NEMF: variants seen among roughly 807,000 people sequenced by gnomAD.
NEMF encodes the protein ribosome quality control complex subunit NEMF.
A neutral mutation model predicts 162.2 loss-of-function variants in NEMF; 89 were observed. That is an observed-to-expected ratio of 0.55 (90% CI 0.46 to 0.65). The LOEUF (loss-of-function observed/expected upper bound fraction) is 0.65, where lower values mean the gene tolerates loss of function less well. NEMF is among the 30% of genes least tolerant of loss of function. The probability of loss-of-function intolerance (pLI) is 0.00; values close to 1 mark genes in which losing one functional copy is unlikely to be tolerated. For synonymous variants in NEMF, 421 were observed against 404.5 expected (o/e 1.04, Z -0.49); for missense variants, 1,133 against 1,261.9 (o/e 0.90, Z 1.55).
In NEMF at chr14:49,784,354, G is replaced by T; in HGVS notation, c.*282C>A. 1 of 270,964 alleles carries T rather than the reference G, an allele frequency of 3.7e-6. No homozygotes were observed. The allele number at this position is 270,964 out of a possible 1,614,324, so 16.8% of individuals were successfully genotyped here. A position where few individuals can be genotyped will look rare whatever the true frequency, so the allele number is the denominator to read the frequency against. ...TCTTTACATCATGAAATGAATACTT[G>T]GTATTAACCTCCCAAATTTCAAGAA... On this transcript the variant is annotated 3_prime_UTR_variant, in exon 33 of 33. Coordinates refer to ENST00000298310, the MANE Select transcript of NEMF (RefSeq NM_004713.6).
intron 16 of NEMF, among the ~76,000 whole-genome samples, chr14:49,822,576 T>C (rs1366788718): frequency 1.4e-5 from 2 of 147,106 alleles, no homozygotes; most frequent in African/African-American, 5.1e-5. Context: ...TTATCTGTAA[T>C]CCCAGCACTT....
chr14:49,801,955 T>C (rs1474562684), intron 22 of NEMF, among the ~76,000 whole-genome samples: 1 of 79,350 alleles, frequency 1.3e-5, no homozygotes, highest in Non-Finnish European at 3.7e-5. Context: ...AATTAAATAC[T>C]TTTTTTTTTT....
chr14:49,828,368 T>G lies in NEMF; in HGVS notation c.1425-14A>C, dbSNP rs374361406. ...TGATCATAATACCTAGAAAAACATA[T>G]TTCTCTTAAATTTTAAGTATAATAT... is the stretch of plus-strand genomic sequence containing the variant. On this transcript the variant is annotated splice_polypyrimidine_tract_variant and intron_variant, in intron 14 of 32. Coordinates refer to ENST00000298310, the MANE Select transcript of NEMF (RefSeq NM_004713.6). 6.7e-7 allele frequency: 1 copy of G among 1,499,420 alleles called. No homozygotes were observed. Among genetic ancestry groups the G allele is most frequent in the Non-Finnish European group, 9.2e-7 (1 of 1,092,492 alleles). 92.9% of individuals were successfully genotyped at this position (1,499,420 alleles called of 1,614,324 possible). A position where few individuals can be genotyped will look rare whatever the true frequency, so the allele number is the denominator to read the frequency against.
At chr14:49,846,341 C>A in intron 3 of NEMF, 76 bp from the exon 4 acceptor site, 3 of 1,354,364 alleles carry the variant, frequency 2.2e-6, no homozygotes, top group Non-Finnish European at 3.1e-6. Flanking sequence ...TATAAATAAG[C>A]TTCTTTTCAT....
chr14:49,820,110 C>A (rs1891928686), intron 16 of NEMF: 1 of 232,824 alleles, frequency 4.3e-6, no homozygotes, highest in Non-Finnish European at 8.6e-6. Flanking sequence ...AGCCACCACA[C>A]CTGGCTAATT....
Position 49,784,953 on chromosome 14 carries a change from C to T in NEMF, c.3125G>A (p.Arg1042Lys). 6.2e-7 allele frequency: 1 copy of T among 1,613,874 alleles called. No individual in the cohort carries two copies. The highest frequency in any genetic ancestry group is 8.5e-7 in the Non-Finnish European group (1 of 1,179,906). ...TACGCTGCGGAATAAGTCTTTTTCT[C>T]TTGCTGTTGCTTCTTTGGAATGCAT... ...SFMHSKEATA[R>K]EKDLFRSVKD... Residue 1042 changes from arginine to lysine, a missense_variant, in exon 32 of 33, where the codon AGA becomes AAA. Coordinates refer to ENST00000298310, the MANE Select transcript of NEMF (RefSeq NM_004713.6).
intron 25 of NEMF, 76 bp from the exon 26 acceptor site, chr14:49,796,020 A>T (rs1890677701): frequency 9.3e-7 from 1 of 1,080,700 alleles, no homozygotes; most frequent in Non-Finnish European, 1.4e-6. Flanking sequence ...TTCCATGGGG[A>T]AGGCACATAT....
At chr14:49,785,955 T>C (rs1054226382) in intron 29 of NEMF, 2 of 151,998 alleles carry the variant, frequency 1.3e-5, no homozygotes, top group African/African-American at 4.8e-5. Flanking sequence ...TGCTGTGGAT[T>C]AAAATGATGC....
chr14:49,817,079 G>A (rs1449415547), intron 16 of NEMF, among the ~76,000 whole-genome samples: 1 of 152,124 alleles, frequency 6.6e-6, no homozygotes, highest in Non-Finnish European at 1.5e-5. Context: ...CTGTCAGACT[G>A]GAAAACAATG....
rs746208416 is a variant in NEMF at position 49,829,418 on chromosome 14, T to C, written c.954A>G (p.Gln318=). The C allele has an allele frequency of 2.5e-6, 4 of 1,613,358 alleles. No individual in the cohort carries two copies. Among genetic ancestry groups the C allele is most frequent in the East Asian group, 2.2e-5 (1 of 44,884 alleles). ...GAACATTATCTAATTTCTTCAATGC[T>C]TGCTTTTCCTTTTATTGGCAAAACA... The part of the protein sequence containing the change: ...IDLKALQQEK[Q]ALKKLDNVRK... The change falls in exon 12 of 33, where the codon CAA becomes CAG. Residue 318 remains glutamine (Q), a synonymous_variant. Coordinates refer to ENST00000298310, the MANE Select transcript of NEMF (RefSeq NM_004713.6).
In NEMF at chr14:49,782,571, A is replaced by G; in HGVS notation, c.*2065T>C. 2 of 1,606,652 alleles carry G rather than the reference A, an allele frequency of 1.2e-6. No individual in the cohort carries two copies. The highest frequency in any genetic ancestry group is 1.7e-6 in the Non-Finnish European group (2 of 1,175,354). Reference sequence around the variant, plus strand: ...ACAGTAATGAAATACTAATATTTTCAGTTCAACCAAAATCTCTTGTACGGT... The same window carrying G: ...ACAGTAATGAAATACTAATATTTTCGGTTCAACCAAAATCTCTTGTACGGT... On this transcript the variant is annotated 3_prime_UTR_variant, in exon 33 of 33. Transcript: ENST00000298310.
chr14:49,782,121 C>A lies in NEMF; in HGVS notation c.*2515G>T. The A allele has an allele frequency of 2.2e-6, 1 of 447,492 alleles. No individual in the cohort carries two copies. Among genetic ancestry groups the A allele is most frequent in the East Asian group, 3.5e-5 (1 of 28,244 alleles). 27.7% of individuals were successfully genotyped at this position (447,492 alleles called of 1,614,324 possible). ...TTATTGCTAACAAAGACCTAGAGAA[C>A]AGATCGTTCAGTTCAAACTCCTCAT... On this transcript the variant is annotated 3_prime_UTR_variant, in exon 33 of 33. Coordinates refer to ENST00000298310, the MANE Select transcript of NEMF (RefSeq NM_004713.6).
At chr14:49,852,305 C>T (rs1047504090) in intron 1 of NEMF, among the ~76,000 whole-genome samples, 1 of 152,264 alleles carries the variant, frequency 6.6e-6, no homozygotes, top group Non-Finnish European at 1.5e-5. Flanking sequence ...CTCTCTCTCT[C>T]TCTGGGGTGA....
intron 29 of NEMF, chr14:49,786,098 T>C (rs1225030609): frequency 1.3e-5 from 2 of 152,754 alleles, no homozygotes; most frequent in African/African-American, 4.8e-5. Flanking sequence ...ATAGTTTTCG[T>C]TGACACGATG....
intron 26 of NEMF, 101 bp downstream of exon 26, chr14:49,795,689 AT>A: frequency 9.4e-7 from 1 of 1,066,364 alleles, no homozygotes; most frequent in African/African-American, 1.6e-5. Flanking sequence ...ATCACACAGG[AT>A]TATTTTTTGG....
At chr14:49,847,967 G>A (rs1304913820) in intron 3 of NEMF, among the ~76,000 whole-genome samples, 1 of 151,348 alleles carries the variant, frequency 6.6e-6, no homozygotes, top group Non-Finnish European at 1.5e-5. Context: ...AAGAGGCGGA[G>A]GTTACAGTGA....
At chr14:49,852,603 G>C in intron 1 of NEMF, 92 bp downstream of exon 1, 1 of 1,384,132 alleles carries the variant, frequency 7.2e-7, no homozygotes. Context: ...AGGAAATAAG[G>C]AAACATATCA....
chr14:49,787,696 A>G (rs1306653084), intron 28 of NEMF, among the ~76,000 whole-genome samples: 1 of 152,238 alleles, frequency 6.6e-6, no homozygotes, highest in African/African-American at 2.4e-5. Flanking sequence ...TTTAGACCAT[A>G]GCACCTACTC....
At position 49,814,877 on chromosome 14, in the gene NEMF, A is replaced by C; in HGVS notation, c.1578-20T>G. 1.2e-5 allele frequency: 17 copies of C among 1,422,928 alleles called. No individual in the cohort carries two copies. Among genetic ancestry groups the C allele is most frequent in the Non-Finnish European group, 1.6e-5 (17 of 1,034,280 alleles). The allele number at this position is 1,422,928 out of a possible 1,614,324, so 88.1% of individuals were successfully genotyped here. ...TCAAACCTATCAAAATGAAAGAAAA[A>C]AAGTTAACTTTTCTTTATAGCTGCC... On this transcript the variant is annotated intron_variant, in intron 16 of 32. Transcript: ENST00000298310.
Sources: allele counts gnomAD v4.1 joint callset (sites outside exome capture counted in the v4.1 genomes callset), GRCh38; gene constraint gnomAD v4.1.1; transcripts MANE v1.5; gene names NCBI Gene and HGNC (gene_info 2026-07-23, HGNC 2026-07-21).